The following CCDC71L variants were observed in gnomAD, a reference collection of about 807,000 sequenced individuals.
CCDC71L encodes coiled-coil domain-containing protein 71L.
A neutral mutation model predicts 10.2 loss-of-function variants in CCDC71L; 6 were observed. The observed-to-expected ratio is 0.59, with a 90% CI of 0.32 to 1.16. The LOEUF is 1.16. CCDC71L is among the 50% of genes most tolerant of loss of function. The pLI is 0.05. For synonymous variants in CCDC71L, 204 were observed against 175.5 expected (o/e 1.16, Z -1.28); for missense variants, 366 against 383.4 (o/e 0.95, Z 0.38).
At position 106,659,032 on chromosome 7, in the gene CCDC71L, CT is replaced by C. The variant is rs1172751696; in HGVS notation, c.*1156del. 1 of 152,118 alleles carries C rather than the reference CT, an allele frequency of 6.6e-6. No individual in the cohort carries two copies. Among genetic ancestry groups the C allele is most frequent in the Non-Finnish European group, 1.5e-5 (1 of 68,004 alleles). The allele number at this position is 152,118 out of a possible 1,614,324, so 9.4% of individuals were successfully genotyped here. ...GGAAATAGATTTCGCCCAAAGTAAC[CT>C]TAACCAGTTATTTGATACCAAGAAA... On this transcript the variant is annotated 3_prime_UTR_variant, in exon 1 of 1. Coordinates refer to ENST00000523505, the MANE Select transcript of CCDC71L (RefSeq NM_175884.6).
Position 106,660,910 on chromosome 7 carries a change from G to C in CCDC71L, c.-14C>G, listed in dbSNP as rs1015060613. ...ACTGCGCCGCATCGAAGGCCGCTCC[G>C]GGCCACTCACGCTCGCCGGGTCCCA... On this transcript the variant is annotated 5_prime_UTR_variant, in exon 1 of 1. Transcript: ENST00000523505. The surrounding 1 kb of genome is among the most constrained non-coding windows in gnomAD (Gnocchi z 7.5). The C allele has an allele frequency of 5.2e-6, 7 of 1,358,028 alleles. No individual in the cohort carries two copies. The African/African-American group carries it at 1.1e-4, about 21-fold the overall frequency. 84.1% of individuals were successfully genotyped at this position (1,358,028 alleles called of 1,614,324 possible).
rs1231183644 is a variant in CCDC71L, at chr7:106,660,377, C to G, written c.520G>C (p.Gly174Arg). The change falls in exon 1 of 1, where the codon GGC becomes CGC. Residue 174 changes from glycine (G) to arginine (R), a missense_variant. Physicochemically the swap from Gly to Arg is moderately radical, Grantham distance 125. Transcript: ENST00000523505. The surrounding 1 kb of genome is among the most constrained non-coding windows in gnomAD (Gnocchi z 7.5). Reference protein sequence around the residue: ...KPVAPGPCFGGRTLEEIWRAA... With the variant: ...KPVAPGPCFGRRTLEEIWRAA... ...CTCCAGATCTCCTCCAAGGTGCGGC[C>G]CCCGAAGCAGGGCCCGGGGGCCACG... The G allele has an allele frequency of 7.3e-7, 1 of 1,362,220 alleles. No homozygotes were observed. The highest frequency in any genetic ancestry group is 1.5e-5 in the African/African-American group (1 of 65,286). The allele number at this position is 1,362,220 out of a possible 1,614,324, so 84.4% of individuals were successfully genotyped here.
Position 106,660,810 on chromosome 7 carries a change from G to C in CCDC71L, c.87C>G (p.Asp29Glu). 1 of 1,543,722 alleles carries C rather than the reference G, an allele frequency of 6.5e-7. No individual in the cohort carries two copies. Among genetic ancestry groups the C allele is most frequent in the Non-Finnish European group, 8.7e-7 (1 of 1,144,090 alleles). Residue 29 changes from aspartate (D) to glutamate (E), a missense_variant, in exon 1 of 1, where the codon GAC becomes GAG. Transcript: ENST00000523505. This position sits in a 1 kb window ranked among gnomAD's most constrained non-coding sequence, Gnocchi z 7.5. Reference protein sequence around the residue: ...AARGGDFRAEDGAGLEAREEK... With the variant: ...AARGGDFRAEEGAGLEAREEK... ...CCTCCCGCGCCTCCAACCCAGCCCC[G>C]TCTTCTGCCCTAAAGTCGCCGCCCC...
At position 106,660,833 on chromosome 7, in the gene CCDC71L, C is replaced by CCCGGGCGGCCGTGGCCGGGGCGA. The variant is rs1458700571; in HGVS notation, c.41_63dup (p.Gly22SerfsTer58). 3.3e-6 allele frequency: 5 copies of CCCGGGCGGCCGTGGCCGGGGCGA among 1,527,642 alleles called. No homozygotes were observed. The highest frequency in any genetic ancestry group is 3.5e-6 in the Non-Finnish European group (4 of 1,138,060). The allele number at this position is 1,527,642 out of a possible 1,614,324, so 94.6% of individuals were successfully genotyped here. A position where few individuals can be genotyped will look rare whatever the true frequency, so the allele number is the denominator to read the frequency against. ...CCGTCTTCTGCCCTAAAGTCGCCGC[C>CCCGGGCGGCCGTGGCCGGGGCGA]CCGGGCGGCCGTGGCCGGGGCGACC... On this transcript the variant is annotated frameshift_variant, in exon 1 of 1. Transcript: ENST00000523505. LOFTEE classifies it high-confidence loss of function. This position sits in a 1 kb window ranked among gnomAD's most constrained non-coding sequence, Gnocchi z 7.5.
rs1192599608 is a variant in CCDC71L at position 106,655,030 on chromosome 7, A to G, written c.*5159T>C. On this transcript the variant is annotated 3_prime_UTR_variant, in exon 1 of 1. Coordinates refer to ENST00000523505, the MANE Select transcript of CCDC71L (RefSeq NM_175884.6). ...CAGTTTTGGATTCAGTAGACTACTT[A>G]TTCAAATTTTCTGGGCTAAACATAG... 6.6e-6 allele frequency among the ~76,000 whole-genome samples: 1 copy of G among 152,148 alleles called. No homozygotes were observed. The highest frequency in any genetic ancestry group is 1.5e-5 in the Non-Finnish European group (1 of 67,990).
rs1792546087 is a variant in CCDC71L, at chr7:106,659,310, A to T, written c.*879T>A. ...CAGTCGGATTCCAGTGACTCCTGTA[A>T]CCAAAACCAGTTCTTCACAATTTAT... On this transcript the variant is annotated 3_prime_UTR_variant, in exon 1 of 1. Coordinates refer to ENST00000523505, the MANE Select transcript of CCDC71L (RefSeq NM_175884.6). The T allele has an allele frequency of 6.6e-6, 1 of 152,222 alleles. No individual in the cohort carries two copies. Among genetic ancestry groups the T allele is most frequent in the Non-Finnish European group, 1.5e-5 (1 of 68,022 alleles). The allele number at this position is 152,222 out of a possible 1,614,324, so 9.4% of individuals were successfully genotyped here.
At position 106,660,621 on chromosome 7, in the gene CCDC71L, G is replaced by T; in HGVS notation, c.276C>A (p.Ile92=). ...CSLKHQFSPH[I]LRSKDVYGYS... ...AGCCGTAGACGTCCTTGCTGCGCAG[G>T]ATGTGCGGGGAGAACTGGTGCTTGA... Residue 92 remains isoleucine (I), a synonymous_variant, in exon 1 of 1, where the codon ATC becomes ATA. Coordinates refer to ENST00000523505, the MANE Select transcript of CCDC71L (RefSeq NM_175884.6). This position sits in a 1 kb window ranked among gnomAD's most constrained non-coding sequence, Gnocchi z 7.5. The T allele has an allele frequency of 1.3e-6, 2 of 1,589,420 alleles. No homozygotes were observed. Among genetic ancestry groups the T allele is most frequent in the Non-Finnish European group, 1.7e-6 (2 of 1,168,548 alleles).
rs1035203674 is a variant in CCDC71L, at chr7:106,661,132, C to A, written c.-236G>T. The A allele has an allele frequency of 4.3e-6, 2 of 465,922 alleles. No homozygotes were observed. Among genetic ancestry groups the A allele is most frequent in the Non-Finnish European group, 3.6e-6 (1 of 279,950 alleles). 28.9% of individuals were successfully genotyped at this position (465,922 alleles called of 1,614,324 possible). A position where few individuals can be genotyped will look rare whatever the true frequency, so the allele number is the denominator to read the frequency against. ...TTGTCATTGGACGGCGCCTCGCCCC[C>A]CTGGTTTCTCTTTCTTCTCCTCTCT... On this transcript the variant is annotated 5_prime_UTR_variant, in exon 1 of 1. Transcript: ENST00000523505.
rs2116088661 is a variant in CCDC71L, at chr7:106,654,833, T to C, written c.*5356A>G. The stretch of plus-strand genomic sequence containing the variant: ...TTGCTTCAATAATTTTTTTACTCTG[T>C]AAGATTTAGAACCCTAAGCCACACT... On this transcript the variant is annotated 3_prime_UTR_variant, in exon 1 of 1. Transcript: ENST00000523505. Among the ~76,000 whole-genome samples, 1 of 152,228 alleles carries C rather than the reference T, an allele frequency of 6.6e-6. No homozygotes were observed. The highest frequency in any genetic ancestry group is 2.1e-4 in the South Asian group (1 of 4,822).
Position 106,661,105 on chromosome 7 carries a change from C to T in CCDC71L, c.-209G>A. ...ATGGCGGCCGGCGCCCACCCCTGGG[C>T]TTTGTCATTGGACGGCGCCTCGCCC... On this transcript the variant is annotated 5_prime_UTR_variant, in exon 1 of 1. Transcript: ENST00000523505. 2 of 600,586 alleles carry T rather than the reference C, an allele frequency of 3.3e-6. No homozygotes were observed. The allele number at this position is 600,586 out of a possible 1,614,324, so 37.2% of individuals were successfully genotyped here.
At position 106,658,703 on chromosome 7, in the gene CCDC71L, T is replaced by C. The variant is rs1354316168; in HGVS notation, c.*1486A>G. ...TGTGGCACTGCTGGCTAAAAACTATTAAGTTTTCCTGCCACAAATGACCAA... is the reference window on the plus strand; with the variant it reads ...TGTGGCACTGCTGGCTAAAAACTATCAAGTTTTCCTGCCACAAATGACCAA... On this transcript the variant is annotated 3_prime_UTR_variant, in exon 1 of 1. Coordinates refer to ENST00000523505, the MANE Select transcript of CCDC71L (RefSeq NM_175884.6). 6.6e-6 allele frequency: 1 copy of C among 152,588 alleles called. No individual in the cohort carries two copies. Among genetic ancestry groups the C allele is most frequent in the African/African-American group, 2.4e-5 (1 of 41,416 alleles). The allele number at this position is 152,588 out of a possible 1,614,324, so 9.5% of individuals were successfully genotyped here. A position where few individuals can be genotyped will look rare whatever the true frequency, so the allele number is the denominator to read the frequency against.
chr7:106,660,648 G>A lies in CCDC71L; in HGVS notation c.249C>T (p.Ser83=), dbSNP rs753756775. 1 of 1,589,688 alleles carries A rather than the reference G, an allele frequency of 6.3e-7. No individual in the cohort carries two copies. The highest frequency in any genetic ancestry group is 1.1e-5 in the South Asian group (1 of 87,114). ...SDAELWSFLC[S]LKHQFSPHIL... The stretch of plus-strand genomic sequence containing the variant: ...TGTGCGGGGAGAACTGGTGCTTGAG[G>A]CTGCAGAGGAAGCTCCAGAGCTCCG... Residue 83 remains serine (S), a synonymous_variant, in exon 1 of 1, where the codon AGC becomes AGT. Transcript: ENST00000523505. This position sits in a 1 kb window ranked among gnomAD's most constrained non-coding sequence, Gnocchi z 7.5.
Position 106,655,124 on chromosome 7 carries a change from G to C in CCDC71L, c.*5065C>G, listed in dbSNP as rs1792470033. On this transcript the variant is annotated 3_prime_UTR_variant, in exon 1 of 1. Coordinates refer to ENST00000523505, the MANE Select transcript of CCDC71L (RefSeq NM_175884.6). The stretch of plus-strand genomic sequence containing the variant: ...ATATGTTTATTATGTTATAGATCAT[G>C]GTTTAGAATGACATTTACCAAGACA... Among the ~76,000 whole-genome samples the C allele has an allele frequency of 6.6e-6, 1 of 152,078 alleles. No homozygotes were observed. Among genetic ancestry groups the C allele is most frequent in the African/African-American group, 2.4e-5 (1 of 41,424 alleles).
In CCDC71L at chr7:106,658,903, T is replaced by G. The variant is rs1480664230; in HGVS notation, c.*1286A>C. On this transcript the variant is annotated 3_prime_UTR_variant, in exon 1 of 1. Transcript: ENST00000523505. ...GTGGCAAAAAGGTTAAAAAAAATGT[T>G]GGGACAAAAAAATCAACTAAAAATC... 3 of 152,454 alleles carry G rather than the reference T, an allele frequency of 2.0e-5. No homozygotes were observed. Among genetic ancestry groups the G allele is most frequent in the African/African-American group, 7.2e-5 (3 of 41,424 alleles). The allele number at this position is 152,454 out of a possible 1,614,324, so 9.4% of individuals were successfully genotyped here.
Position 106,655,691 on chromosome 7 carries a change from G to A in CCDC71L, c.*4498C>T, listed in dbSNP as rs903551718. Among the ~76,000 whole-genome samples, 1 of 151,726 alleles carries A rather than the reference G, an allele frequency of 6.6e-6. No homozygotes were observed. The highest frequency in any genetic ancestry group is 2.4e-5 in the African/African-American group (1 of 41,100). On this transcript the variant is annotated 3_prime_UTR_variant, in exon 1 of 1. Coordinates refer to ENST00000523505, the MANE Select transcript of CCDC71L (RefSeq NM_175884.6). ...ACAGTACATTCAAATGTCTTATAGA[G>A]ATATAACAAAAGAAGATGTGAATCT...
chr7:106,654,509 C>A lies in CCDC71L; in HGVS notation c.*5680G>T, dbSNP rs1023577687. Among the ~76,000 whole-genome samples, 1 of 151,740 alleles carries A rather than the reference C, an allele frequency of 6.6e-6. No individual in the cohort carries two copies. Among genetic ancestry groups the A allele is most frequent in the African/African-American group, 2.4e-5 (1 of 41,288 alleles). On this transcript the variant is annotated 3_prime_UTR_variant, in exon 1 of 1. Transcript: ENST00000523505. Reference sequence around the variant, plus strand: ...GAATAAATGATCTACAATAATAGTACACACAACAATATAAATGAATCTCAC... The same window carrying A: ...GAATAAATGATCTACAATAATAGTAAACACAACAATATAAATGAATCTCAC...
chr7:106,657,888 T>C lies in CCDC71L; in HGVS notation c.*2301A>G, dbSNP rs187176122. 1 of 152,266 alleles carries C rather than the reference T, an allele frequency of 6.6e-6. No individual in the cohort carries two copies. The highest frequency in any genetic ancestry group is 1.9e-4 in the East Asian group (1 of 5,180). The allele number at this position is 152,266 out of a possible 1,614,324, so 9.4% of individuals were successfully genotyped here. On this transcript the variant is annotated 3_prime_UTR_variant, in exon 1 of 1. Coordinates refer to ENST00000523505, the MANE Select transcript of CCDC71L (RefSeq NM_175884.6). ...GCATAGGAGAGAAAAATGTCAAGAA[T>C]CTCAGTTAAAATAAATGAATGGTGT...
rs1409904206 is a variant in CCDC71L at position 106,656,690 on chromosome 7, A to G, written c.*3499T>C. 1 of 152,206 alleles carries G rather than the reference A, an allele frequency of 6.6e-6. No individual in the cohort carries two copies. The highest frequency in any genetic ancestry group is 2.4e-5 in the African/African-American group (1 of 41,454). The allele number at this position is 152,206 out of a possible 1,614,324, so 9.4% of individuals were successfully genotyped here. Reference sequence around the variant, plus strand: ...GTCAAAATTTATCAAATTGTAAATTAAGATGTTTTCTGAGTCACATACAAA... The same window carrying G: ...GTCAAAATTTATCAAATTGTAAATTGAGATGTTTTCTGAGTCACATACAAA... On this transcript the variant is annotated 3_prime_UTR_variant, in exon 1 of 1. Transcript: ENST00000523505.
In CCDC71L at chr7:106,660,040, C is replaced by T; in HGVS notation, c.*149G>A. ...GCGCCGCGGCCCGGGACAGGGACAA[C>T]CATCCGGCAACTTCTTCGCGCGTAA... is the stretch of plus-strand genomic sequence containing the variant. On this transcript the variant is annotated 3_prime_UTR_variant, in exon 1 of 1. Transcript: ENST00000523505. The surrounding 1 kb of genome is among the most constrained non-coding windows in gnomAD (Gnocchi z 7.5). 8.8e-7 allele frequency: 1 copy of T among 1,133,488 alleles called. No individual in the cohort carries two copies. The highest frequency in any genetic ancestry group is 1.8e-5 in the South Asian group (1 of 54,204). The allele number at this position is 1,133,488 out of a possible 1,614,324, so 70.2% of individuals were successfully genotyped here. A position where few individuals can be genotyped will look rare whatever the true frequency, so the allele number is the denominator to read the frequency against.
Sources: allele counts gnomAD v4.1 joint callset (sites outside exome capture counted in the v4.1 genomes callset), GRCh38; gene constraint gnomAD v4.1.1; non-coding constraint Gnocchi (gnomAD v3.1); transcripts MANE v1.5; gene names NCBI Gene and HGNC (gene_info 2026-07-23, HGNC 2026-07-21).